The following PDE4D variants were observed in gnomAD, a reference collection of about 807,000 sequenced individuals.
PDE4D encodes the protein 3',5'-cyclic-AMP phosphodiesterase 4D.
Under a neutral mutation model 87.4 loss-of-function variants are expected in PDE4D, and 24 were observed. That is an observed-to-expected ratio of 0.27 (90% confidence interval 0.20 to 0.39). The LOEUF (loss-of-function observed/expected upper bound fraction) is 0.39. PDE4D is among the 10% of genes least tolerant of loss of function. PDE4D has a pLI of 1.00. For synonymous variants in PDE4D, 384 were observed against 383.2 expected (o/e 1.00, Z -0.02); for missense variants, 714 against 1,041.0 (o/e 0.69, Z 4.32).
intron 1 of PDE4D, among the ~76,000 whole-genome samples, chr5:59,696,191 G>A (rs1387704777): frequency 6.6e-6 from 1 of 152,130 alleles, no homozygotes; most frequent in Non-Finnish European, 1.5e-5. Context: ...TCTGGGAAAT[G>A]AAAGGCTGAA....
At chr5:60,056,223 G>A (rs895475380) in intron 2 of PDE4D, among the ~76,000 whole-genome samples, 1 of 151,956 alleles carries the variant, frequency 6.6e-6, no homozygotes, top group Admixed American at 6.6e-5. Flanking sequence ...ACCCATCGCA[G>A]CATTTTCTAT....
intron 5 of PDE4D, among the ~76,000 whole-genome samples, chr5:59,119,533 T>C (rs1240396095): frequency 6.6e-6 from 1 of 152,212 alleles, no homozygotes; most frequent in Non-Finnish European, 1.5e-5. Flanking sequence ...GTCATTACAT[T>C]TTCTACCCTA....
In PDE4D at chr5:59,026,725, T is replaced by TA. The variant is rs534038842; in HGVS notation, c.921+12133dup. ...ATATAGGATGGGAAGAAGATGGGAT[T>TA]AAAAAAAAAGGCTTTATAAAGGATG... On this transcript the variant is annotated intron_variant, in intron 6 of 14. Coordinates refer to ENST00000340635, the MANE Select transcript of PDE4D (RefSeq NM_001104631.2). Among the ~76,000 whole-genome samples the TA allele has an allele frequency of 4.6e-5, 7 of 150,798 alleles. No homozygotes were observed. In the South Asian group the frequency reaches 1.5e-3, roughly 32 times the overall value.
chr5:60,368,639 T>C (rs565777643), intron 1 of PDE4D, among the ~76,000 whole-genome samples: 5 of 152,320 alleles, frequency 3.3e-5, no homozygotes, highest in African/African-American at 9.6e-5. Context: ...AAATCTCATG[T>C]TGAATTGTAA....
At chr5:59,051,936 C>G (rs1336826351) in intron 5 of PDE4D, among the ~76,000 whole-genome samples, 1 of 137,192 alleles carries the variant, frequency 7.3e-6, no homozygotes, top group East Asian at 2.5e-4. Flanking sequence ...CTTCCTCCCT[C>G]CCTTTCTTCT....
chr5:59,317,533 AAACT>A (rs1442405954), intron 1 of PDE4D, among the ~76,000 whole-genome samples: 1 of 152,116 alleles, frequency 6.6e-6, no homozygotes, highest in Non-Finnish European at 1.5e-5. Context: ...CAGGCATAAT[AAACT>A]AACAAAGGCC....
At chr5:59,205,999 C>T (rs973247365) in intron 2 of PDE4D, among the ~76,000 whole-genome samples, 4 of 152,034 alleles carry the variant, frequency 2.6e-5, no homozygotes, top group Non-Finnish European at 5.9e-5. Context: ...AAGTTCCCTG[C>T]GTCTTAAAGA....
intron 1 of PDE4D, among the ~76,000 whole-genome samples, chr5:59,727,282 G>T (rs1034356703): frequency 6.6e-6 from 1 of 152,030 alleles, no homozygotes; most frequent in African/African-American, 2.4e-5. Flanking sequence ...CATAATTTTT[G>T]AGTCTCAGCT....
At chr5:59,420,150 T>G (rs1473356128) in intron 1 of PDE4D, among the ~76,000 whole-genome samples, 2 of 152,218 alleles carry the variant, frequency 1.3e-5, no homozygotes, top group Non-Finnish European at 2.9e-5. Context: ...ATTGCTCTTT[T>G]ACAGTATCAG....
intron 2 of PDE4D, among the ~76,000 whole-genome samples, chr5:60,062,999 G>A (rs1771593047): frequency 6.6e-6 from 1 of 151,592 alleles, no homozygotes; most frequent in Non-Finnish European, 1.5e-5. Flanking sequence ...TGGGTTGATA[G>A]GTGCAGCAAA....
chr5:59,180,816 A>G (rs528332639), intron 4 of PDE4D, among the ~76,000 whole-genome samples, 172 bp from the exon 5 acceptor site: 18 of 152,340 alleles, frequency 1.2e-4, no homozygotes, highest in Admixed American at 5.9e-4. Context: ...TCTTTGTATT[A>G]TGGCTCAGAT....
chr5:59,327,428 A>C (rs1264404285), intron 1 of PDE4D, among the ~76,000 whole-genome samples: 1 of 152,144 alleles, frequency 6.6e-6, no homozygotes, highest in Non-Finnish European at 1.5e-5. Flanking sequence ...GGGAAGGAAC[A>C]GGATGATGAA....
chr5:60,520,286 C>T (rs1393239535), intron 1 of PDE4D, among the ~76,000 whole-genome samples: 1 of 152,176 alleles, frequency 6.6e-6, no homozygotes, highest in Admixed American at 6.5e-5. Context: ...CACCCCATTT[C>T]CATCACAGTG....
chr5:59,987,493 T>C (rs1487114598), intron 3 of PDE4D: 1 of 152,202 alleles, frequency 6.6e-6, no homozygotes. Flanking sequence ...GTAAAACAGC[T>C]AAATTCAGTA....
At chr5:59,455,947 A>G (rs761513393) in intron 1 of PDE4D, among the ~76,000 whole-genome samples, 13 of 152,118 alleles carry the variant, frequency 8.5e-5, no homozygotes, top group Non-Finnish European at 1.9e-4. Context: ...AATGGTATTT[A>G]CCCAATGCCT....
At chr5:59,327,604 G>A (rs1775958400) in intron 1 of PDE4D, among the ~76,000 whole-genome samples, 1 of 152,162 alleles carries the variant, frequency 6.6e-6, no homozygotes, top group South Asian at 2.1e-4. Flanking sequence ...CGTTGTTAAT[G>A]TAACACATTT....
chr5:60,423,427 C>A (rs1009127883), intron 1 of PDE4D, among the ~76,000 whole-genome samples: 2 of 152,140 alleles, frequency 1.3e-5, no homozygotes, highest in Non-Finnish European at 2.9e-5. Context: ...AACTGAACAA[C>A]CTACTCCTGA....
chr5:59,326,937 C>T (rs1274580591), intron 1 of PDE4D, among the ~76,000 whole-genome samples: 5 of 152,096 alleles, frequency 3.3e-5, no homozygotes, highest in Admixed American at 3.3e-4. Context: ...TGTAATAGCT[C>T]ATTTCAGTTT....
chr5:59,524,749 C>T (rs1174766003), intron 1 of PDE4D, among the ~76,000 whole-genome samples: 2 of 152,154 alleles, frequency 1.3e-5, no homozygotes, highest in African/African-American at 4.8e-5. Flanking sequence ...TAGGGTCCCC[C>T]TGCTCTGTGC....
Sources: allele counts gnomAD v4.1 joint callset (sites outside exome capture counted in the v4.1 genomes callset), GRCh38; gene constraint gnomAD v4.1.1; transcripts MANE v1.5; gene names NCBI Gene and HGNC (gene_info 2026-07-23, HGNC 2026-07-21).